The following RPTOR variants were observed in gnomAD, a reference collection of about 807,000 sequenced individuals.
RPTOR encodes regulatory associated protein of MTOR complex 1.
Under a neutral mutation model 169.9 loss-of-function variants are expected in RPTOR, and 21 were observed. The ratio of observed to expected loss-of-function variants is 0.12; its 90% CI spans 0.09 to 0.18. The LOEUF is 0.18. Among genes scored for constraint, RPTOR ranks in the 10% least tolerant of loss-of-function variants. The pLI, the probability that RPTOR is intolerant of heterozygous loss-of-function variation, is 1.00. For missense variants in RPTOR, 1,133 were observed against 1,855.9 expected (o/e 0.61, Z 7.16); for synonymous variants, 732 against 753.2 (o/e 0.97, Z 0.46).
At chr17:80,602,803 C>T (rs1219195689) in intron 1 of RPTOR, 2 of 687,184 alleles carry the variant, frequency 2.9e-6, no homozygotes, top group Non-Finnish European at 5.4e-6. Flanking sequence ...GCCCAAGGGG[C>T]ACGCTTCATG....
chr17:80,921,588 A>G (rs1357472340), intron 21 of RPTOR, among the ~76,000 whole-genome samples: 1 of 152,244 alleles, frequency 6.6e-6, no homozygotes, highest in Non-Finnish European at 1.5e-5. Flanking sequence ...GCTTTAAAAA[A>G]TAAAAGCAAA....
At chr17:80,665,236 G>C (rs991267150) in intron 3 of RPTOR, among the ~76,000 whole-genome samples, 1 of 152,038 alleles carries the variant, frequency 6.6e-6, no homozygotes, top group African/African-American at 2.4e-5. Context: ...GTTTCCTGGC[G>C]AGGAGGGAGG....
At chr17:80,547,993 C>CATACTAATTCAG (rs2084297469) in intron 1 of RPTOR, among the ~76,000 whole-genome samples, 1 of 151,578 alleles carries the variant, frequency 6.6e-6, no homozygotes, top group South Asian at 2.1e-4. Flanking sequence ...TGTAAATATT[C>CATACTAATTCAG]ATACTAATTC....
chr17:80,889,477 C>T (rs995916349), intron 17 of RPTOR, among the ~76,000 whole-genome samples: 8 of 152,134 alleles, frequency 5.3e-5, no homozygotes, highest in South Asian at 4.1e-4. Context: ...GTGTGGAGCC[C>T]GTGGCCACTA....
rs2067367683 is a variant in RPTOR at position 80,820,440 on chromosome 17, C to T, written c.891-1761C>T. Among the ~76,000 whole-genome samples the T allele has an allele frequency of 6.6e-6, 1 of 152,184 alleles. No homozygotes were observed. The highest frequency in any genetic ancestry group is 2.4e-5 in the African/African-American group (1 of 41,444). ...TAGGGCTGTGTCCCGGGCAGCCACCCCTGTTCGCGCTGGCGCTTGAGGGCT... is the reference window on the plus strand; with the variant it reads ...TAGGGCTGTGTCCCGGGCAGCCACCTCTGTTCGCGCTGGCGCTTGAGGGCT... On this transcript the variant is annotated intron_variant, in intron 7 of 33. Transcript: ENST00000306801. The surrounding 1 kb of genome is among the most constrained non-coding windows in gnomAD (Gnocchi z 4.1).
rs994375348 is a variant in RPTOR, at chr17:80,868,658, A to C, written c.1509+10758A>C. 2.0e-5 allele frequency among the ~76,000 whole-genome samples: 3 copies of C among 152,230 alleles called. No homozygotes were observed. In the East Asian group the frequency reaches 5.8e-4, roughly 29 times the overall value. On this transcript the variant is annotated intron_variant, in intron 13 of 33. Transcript: ENST00000306801. ...CCAAGAGAAATGGAAGCATGTCCAC[A>C]CAAAGGCTTGTACATGAATGTTCCT...
Position 80,844,745 on chromosome 17 carries a change from T to G in RPTOR, c.1213-1728T>G, listed in dbSNP as rs1000386879. ...AGGCTGCCGAGAGCGCTCCTGGACTTGGGCGCACGGAGGCACCCTGTCCTG... is the reference window on the plus strand; with the variant it reads ...AGGCTGCCGAGAGCGCTCCTGGACTGGGGCGCACGGAGGCACCCTGTCCTG... On this transcript the variant is annotated intron_variant, in intron 10 of 33. Transcript: ENST00000306801. The surrounding 1 kb of genome is among the most constrained non-coding windows in gnomAD (Gnocchi z 4.7). Among the ~76,000 whole-genome samples the G allele has an allele frequency of 2.4e-4, 36 of 152,318 alleles. No individual in the cohort carries two copies. Among genetic ancestry groups the G allele is most frequent in the Non-Finnish European group, 4.0e-4 (27 of 68,032 alleles).
At position 80,773,071 on chromosome 17, in the gene RPTOR, C is replaced by T. The variant is rs148530882; in HGVS notation, c.831-18379C>T. ...GAGCCGTGTGTCTGCAGGTGGCATG[C>T]GCTGGCACTGGGCTATTGGGAGGCA... On this transcript the variant is annotated intron_variant, in intron 6 of 33. Coordinates refer to ENST00000306801, the MANE Select transcript of RPTOR (RefSeq NM_020761.3). Among the ~76,000 whole-genome samples, 486 of 152,358 alleles carry T rather than the reference C, an allele frequency of 3.2e-3. 1 individual carries two copies. Among genetic ancestry groups the T allele is most frequent in the Non-Finnish European group, 5.5e-3 (373 of 68,036 alleles).
intron 20 of RPTOR, among the ~76,000 whole-genome samples, chr17:80,896,292 A>C (rs1367401724): frequency 6.7e-6 from 1 of 149,468 alleles, no homozygotes; most frequent in Non-Finnish European, 1.5e-5. Context: ...ATCAGTCCTT[A>C]GGGTCTGAGT....
At chr17:80,773,651 A>G (rs2066865914) in intron 6 of RPTOR, among the ~76,000 whole-genome samples, 2 of 152,146 alleles carry the variant, frequency 1.3e-5, no homozygotes, top group Admixed American at 1.3e-4. Flanking sequence ...GCAGCCCCGC[A>G]GCCTTGTTCT....
intron 7 of RPTOR, among the ~76,000 whole-genome samples, chr17:80,814,587 A>G (rs1292703351): frequency 6.6e-6 from 1 of 152,204 alleles, no homozygotes; most frequent in Non-Finnish European, 1.5e-5. Flanking sequence ...CATTTTGTTT[A>G]CATACAGTTT....
intron 9 of RPTOR, among the ~76,000 whole-genome samples, chr17:80,837,671 G>C (rs2067579403): frequency 6.6e-6 from 1 of 152,150 alleles, no homozygotes; most frequent in African/African-American, 2.4e-5. Context: ...GAAAAAATGT[G>C]ACAAAATGGT....
At chr17:80,779,756 C>T (rs928440295) in intron 6 of RPTOR, among the ~76,000 whole-genome samples, 7 of 152,164 alleles carry the variant, frequency 4.6e-5, no homozygotes, top group African/African-American at 1.7e-4. Context: ...GGCATAGTTT[C>T]CCACCCCCCA....
intron 1 of RPTOR, among the ~76,000 whole-genome samples, chr17:80,611,756 GT>G (rs71163978): frequency 0.54 from 70,972 of 132,134 alleles, 18,885 homozygotes; most frequent in East Asian, 0.72. Flanking sequence ...TTTTATAGCT[GT>G]TTTTTTTTTT....
chr17:80,882,521 C>T (rs1024572004), intron 14 of RPTOR, among the ~76,000 whole-genome samples: 54 of 152,220 alleles, frequency 3.5e-4, no homozygotes, highest in Admixed American at 3.9e-4. Flanking sequence ...GCGAGGAAAG[C>T]GACCACGGTC....
chr17:80,922,941 C>T (rs1045573280), intron 22 of RPTOR, 114 bp downstream of exon 22: 3 of 845,086 alleles, frequency 3.5e-6, no homozygotes, highest in South Asian at 3.3e-5. Flanking sequence ...GTCTTGGCTT[C>T]GTCTCCTCCC....
At chr17:80,903,848 A>T (rs1222577227) in intron 20 of RPTOR, among the ~76,000 whole-genome samples, 1 of 152,236 alleles carries the variant, frequency 6.6e-6, no homozygotes, top group East Asian at 1.9e-4. Context: ...AAGAAAAGCT[A>T]GGCAGGGTTT....
Position 80,658,989 on chromosome 17 carries a change from G to T in RPTOR, c.348+15179G>T, listed in dbSNP as rs573693909. ...GCCATCAGTCTGACTGCTGCTGATG[G>T]CCTGGACTCAGCTGTTGCTGTCAGC... On this transcript the variant is annotated intron_variant, in intron 3 of 33. Coordinates refer to ENST00000306801, the MANE Select transcript of RPTOR (RefSeq NM_020761.3). Among the ~76,000 whole-genome samples, 142 of 152,294 alleles carry T rather than the reference G, an allele frequency of 9.3e-4. 4 individuals carry two copies. The South Asian group carries it at 0.028, about 31-fold the overall frequency.
intron 6 of RPTOR, among the ~76,000 whole-genome samples, chr17:80,757,460 G>A (rs376052278): frequency 6.6e-5 from 10 of 152,152 alleles, no homozygotes; most frequent in South Asian, 6.2e-4. Flanking sequence ...TGAGGCACAC[G>A]TTACAGTGTG....
Sources: gnomAD v4.1 joint callset for allele counts (sites outside exome capture counted in the v4.1 genomes callset) on GRCh38, gnomAD v4.1.1 for gene constraint, Gnocchi (gnomAD v3.1) non-coding constraint, MANE v1.5 for transcripts, NCBI Gene and HGNC (gene_info 2026-07-23, HGNC 2026-07-21) for gene names.